The following TSPAN9 variants were observed in gnomAD, a reference collection of about 807,000 sequenced individuals.
The protein encoded by TSPAN9 is tetraspanin-9.
Under a neutral mutation model 31.0 loss-of-function variants are expected in TSPAN9, and 16 were observed. The observed-to-expected ratio is 0.52, with a 90% CI of 0.35 to 0.78. The LOEUF (loss-of-function observed/expected upper bound fraction) is 0.78, where lower values mean the gene tolerates loss of function less well. Ranked by LOEUF, TSPAN9 falls within the 30% of genes least tolerant of loss-of-function variation. The pLI, the probability that TSPAN9 is intolerant of heterozygous loss-of-function variation, is 0.01. For synonymous variants in TSPAN9, 145 were observed against 121.6 expected (o/e 1.19, Z -1.27); for missense variants, 272 against 312.5 (o/e 0.87, Z 0.98).
intron 3 of TSPAN9, among the ~76,000 whole-genome samples, chr12:3,233,448 T>G (rs2098391833): frequency 6.6e-6 from 1 of 152,198 alleles, no homozygotes; most frequent in African/African-American, 2.4e-5. Flanking sequence ...CCTTTTGCCT[T>G]TTTATGTAAT....
chr12:3,122,281 C>CAGAGATCACGCCG (rs1555142898), intron 2 of TSPAN9, among the ~76,000 whole-genome samples: 3 of 150,688 alleles, frequency 2.0e-5, no homozygotes, highest in African/African-American at 7.3e-5. Context: ...TTGCAGTGAG[C>CAGAGATCACGCCG]CTGCACTCCA....
intron 2 of TSPAN9, chr12:3,174,173 T>A (rs1469787414): frequency 6.6e-6 from 1 of 152,276 alleles, no homozygotes; most frequent in East Asian, 1.9e-4. Flanking sequence ...GCTCAAGCGA[T>A]CCTCCTGCCT....
In TSPAN9 at chr12:3,159,251, C is replaced by T. The variant is rs1184008429; in HGVS notation, c.-17-41926C>T. Among the ~76,000 whole-genome samples, 3 of 151,560 alleles carry T rather than the reference C, an allele frequency of 2.0e-5. No individual in the cohort carries two copies. In the East Asian group the frequency reaches 5.8e-4, roughly 29 times the overall value. ...GGAGCCGTGGCTTCTCCTCCCAGCT[C>T]TGCCTCTCACCAGCTGTGATTTGGG... is the stretch of plus-strand genomic sequence containing the variant. On this transcript the variant is annotated intron_variant, in intron 2 of 8. Transcript: ENST00000011898.
chr12:3,247,863 C>A (rs1033907947), intron 3 of TSPAN9, among the ~76,000 whole-genome samples: 1 of 152,172 alleles, frequency 6.6e-6, no homozygotes, highest in African/African-American at 2.4e-5. Context: ...AGGAGGAGCT[C>A]CCCCACCATC....
At chr12:3,169,609 C>T (rs2098350619) in intron 2 of TSPAN9, among the ~76,000 whole-genome samples, 1 of 152,064 alleles carries the variant, frequency 6.6e-6, no homozygotes, top group African/African-American at 2.4e-5. Flanking sequence ...AATAACAAAC[C>T]CTGTGAACAC....
At chr12:3,109,132 T>C (rs1591631772) in intron 2 of TSPAN9, among the ~76,000 whole-genome samples, 1 of 151,886 alleles carries the variant, frequency 6.6e-6, no homozygotes, top group East Asian at 2.0e-4. Flanking sequence ...AGACGGGGGT[T>C]TCACCGTGTT....
At chr12:3,242,352 C>T (rs1013670940) in intron 3 of TSPAN9, among the ~76,000 whole-genome samples, 1 of 152,224 alleles carries the variant, frequency 6.6e-6, no homozygotes, top group African/African-American at 2.4e-5. Context: ...GACATGCCTT[C>T]TGCCCGATGC....
At chr12:3,099,399 T>G (rs1376365635) in intron 2 of TSPAN9, among the ~76,000 whole-genome samples, 1 of 152,252 alleles carries the variant, frequency 6.6e-6, no homozygotes, top group African/African-American at 2.4e-5. Context: ...CTTTGTCTCA[T>G]CATGTTGATG....
At chr12:3,277,148 AG>A (rs1054977699) in intron 3 of TSPAN9, among the ~76,000 whole-genome samples, 5 of 152,200 alleles carry the variant, frequency 3.3e-5, no homozygotes, top group African/African-American at 1.2e-4. Flanking sequence ...TCCAATAGGA[AG>A]GGGATGATAT....
At chr12:3,146,630 CT>C (rs1200766554) in intron 2 of TSPAN9, among the ~76,000 whole-genome samples, 1 of 152,192 alleles carries the variant, frequency 6.6e-6, no homozygotes, top group African/African-American at 2.4e-5. Context: ...CCTCCTTGAT[CT>C]TACTTTTCTG....
At chr12:3,206,240 C>T (rs2098375098) in intron 3 of TSPAN9, 1 of 444,112 alleles carries the variant, frequency 2.3e-6, no homozygotes, top group Non-Finnish European at 4.6e-6. Flanking sequence ...TCCATTCACT[C>T]ATGCCACAGC....
intron 2 of TSPAN9, among the ~76,000 whole-genome samples, chr12:3,163,106 C>T (rs1451196010): frequency 6.6e-6 from 1 of 152,202 alleles, no homozygotes; most frequent in African/African-American, 2.4e-5. Flanking sequence ...CTTGTTCGTG[C>T]AGCTCTCTGT....
chr12:3,220,145 C>CA lies in TSPAN9; in HGVS notation c.63+18903dup, dbSNP rs55735802. Among the ~76,000 whole-genome samples, 17 of 137,352 alleles carry CA rather than the reference C, an allele frequency of 1.2e-4. 1 individual carries two copies. The highest frequency in any genetic ancestry group is 4.6e-4 in the African/African-American group (16 of 34,890). 90.1% of individuals were successfully genotyped at this position (137,352 alleles called of 152,430 possible). A position where few individuals can be genotyped will look rare whatever the true frequency, so the allele number is the denominator to read the frequency against. ...GGGTGACAAGAGCGAAACTCTGTCT[C>CA]AAAAAAAAAAAAAAGGAATGAATCT... On this transcript the variant is annotated intron_variant, in intron 3 of 8. Coordinates refer to ENST00000011898, the MANE Select transcript of TSPAN9 (RefSeq NM_006675.5).
intron 3 of TSPAN9, among the ~76,000 whole-genome samples, chr12:3,274,213 C>T (rs1862740951): frequency 6.6e-6 from 1 of 152,212 alleles, no homozygotes; most frequent in African/African-American, 2.4e-5. Context: ...AGACATGCCA[C>T]ATGTTCCCTG....
At chr12:3,146,379 T>C (rs1262785097) in intron 2 of TSPAN9, among the ~76,000 whole-genome samples, 1 of 152,128 alleles carries the variant, frequency 6.6e-6, no homozygotes. Flanking sequence ...CTTTTCTTCC[T>C]CCATAGTCCC....
intron 2 of TSPAN9, among the ~76,000 whole-genome samples, chr12:3,161,838 T>C (rs11062543): frequency 0.3 from 46,132 of 151,754 alleles, 8,500 homozygotes; most frequent in South Asian, 0.51. Flanking sequence ...GTTTTAGAGA[T>C]AGGGTCTCAC....
chr12:3,219,300 G>C (rs993575533), intron 3 of TSPAN9, among the ~76,000 whole-genome samples: 1 of 152,186 alleles, frequency 6.6e-6, no homozygotes. Flanking sequence ...TTGTTGAGTG[G>C]GATGCACAGG....
At chr12:3,276,434 T>C (rs542299169) in intron 3 of TSPAN9, among the ~76,000 whole-genome samples, 1 of 152,334 alleles carries the variant, frequency 6.6e-6, no homozygotes, top group East Asian at 1.9e-4. Flanking sequence ...CACTCACTGT[T>C]GTAGCACACG....
At chr12:3,162,131 T>C (rs1331928556) in intron 2 of TSPAN9, among the ~76,000 whole-genome samples, 1 of 152,082 alleles carries the variant, frequency 6.6e-6, no homozygotes, top group Non-Finnish European at 1.5e-5. Context: ...TGAGAGCTGA[T>C]TGTTTAAGAG....
Sources: gnomAD v4.1 joint callset for allele counts (sites outside exome capture counted in the v4.1 genomes callset) on GRCh38, gnomAD v4.1.1 for gene constraint, MANE v1.5 for transcripts, NCBI Gene and HGNC (gene_info 2026-07-23, HGNC 2026-07-21) for gene names.